Variants in GRID2 observed in about 807,000 individuals in gnomAD.
The protein encoded by GRID2 is glutamate ionotropic receptor delta type subunit 2.
GRID2 carries 33 observed loss-of-function variants against 114.8 expected under a neutral mutation model. That is an observed-to-expected ratio of 0.29 (90% CI 0.22 to 0.38). The LOEUF (loss-of-function observed/expected upper bound fraction) is 0.38. Ranked by LOEUF, GRID2 falls within the 10% of genes least tolerant of loss-of-function variation. The pLI, the probability that GRID2 is intolerant of heterozygous loss-of-function variation, is 1.00. For synonymous variants in GRID2, 505 were observed against 449.9 expected, an observed-to-expected ratio of 1.12 and a Z score of -1.55; for missense variants, 1,184 against 1,257.7, an observed-to-expected ratio of 0.94 and a Z score of 0.89.
intron 2 of GRID2, among the ~76,000 whole-genome samples, chr4:93,074,692 A>G (rs1331221562): frequency 6.6e-6 from 1 of 152,218 alleles, no homozygotes. Context: ...AGAAAAATCA[A>G]TGAAACCAAA....
chr4:93,453,286 A>G (rs1722871736), intron 10 of GRID2, among the ~76,000 whole-genome samples: 2 of 149,728 alleles, frequency 1.3e-5, no homozygotes, highest in Non-Finnish European at 3.0e-5. Flanking sequence ...GCACCTCTTT[A>G]GGAAGACTAT....
In GRID2 at chr4:92,342,312, TATAAA is replaced by T. The variant is rs1287565017; in HGVS notation, c.88+37573_88+37577del. Among the ~76,000 whole-genome samples, 5 of 152,240 alleles carry T rather than the reference TATAAA, an allele frequency of 3.3e-5. No individual in the cohort carries two copies. In the East Asian group the frequency reaches 5.8e-4, roughly 18 times the overall value. Reference sequence around the variant, plus strand: ...TCAACAGTTAAATAATGCATAGAAATATAAAATAATAATTAAAAGTCCCAAGAGAG... The same window carrying T: ...TCAACAGTTAAATAATGCATAGAAATATAATAATTAAAAGTCCCAAGAGAG... On this transcript the variant is annotated intron_variant, in intron 1 of 15. Transcript: ENST00000282020.
At chr4:92,948,378 A>C (rs1751796622) in intron 2 of GRID2, among the ~76,000 whole-genome samples, 1 of 151,894 alleles carries the variant, frequency 6.6e-6, no homozygotes. Context: ...AATAATTACT[A>C]AAATTTTGTA....
chr4:93,160,805 A>G (rs77301553), intron 4 of GRID2, among the ~76,000 whole-genome samples: 2 of 151,880 alleles, frequency 1.3e-5, no homozygotes, highest in East Asian at 3.9e-4. Context: ...TATCACTGTC[A>G]CCTGGGAACT....
intron 9 of GRID2, among the ~76,000 whole-genome samples, chr4:93,422,276 G>C (rs972411232): frequency 2.6e-5 from 4 of 152,108 alleles, no homozygotes; most frequent in Non-Finnish European, 5.9e-5. Context: ...ATTACTTAGT[G>C]AATAACTCCC....
chr4:92,654,998 G>T (rs1246708228), intron 2 of GRID2, among the ~76,000 whole-genome samples: 1 of 151,680 alleles, frequency 6.6e-6, no homozygotes, highest in Non-Finnish European at 1.5e-5. Flanking sequence ...TTTTTTTACG[G>T]TTTCTTATAG....
At chr4:92,699,970 T>C (rs1026048859) in intron 2 of GRID2, among the ~76,000 whole-genome samples, 3 of 152,220 alleles carry the variant, frequency 2.0e-5, no homozygotes, top group African/African-American at 4.8e-5. Context: ...TATTAAAATA[T>C]AGATGTCTTT....
At chr4:93,637,826 A>G (rs1410390222) in intron 14 of GRID2, among the ~76,000 whole-genome samples, 2 of 152,098 alleles carry the variant, frequency 1.3e-5, no homozygotes, top group African/African-American at 4.8e-5. Flanking sequence ...TTAATTCATC[A>G]TTACATTTTA....
At chr4:93,021,856 T>G (rs1274230736) in intron 2 of GRID2, among the ~76,000 whole-genome samples, 1 of 147,636 alleles carries the variant, frequency 6.8e-6, no homozygotes, top group Non-Finnish European at 1.5e-5. Context: ...TAATAAATAT[T>G]ATAACAATAT....
At chr4:92,496,863 G>T (rs1447151187) in intron 1 of GRID2, among the ~76,000 whole-genome samples, 1 of 151,356 alleles carries the variant, frequency 6.6e-6, no homozygotes, top group Admixed American at 6.6e-5. Flanking sequence ...TCTTTTTCCA[G>T]TGAAATTAAA....
At chr4:92,501,407 G>T (rs1723677457) in intron 1 of GRID2, among the ~76,000 whole-genome samples, 1 of 152,112 alleles carries the variant, frequency 6.6e-6, no homozygotes, top group Admixed American at 6.5e-5. Context: ...AATAAGGCAA[G>T]GATAGTGCTT....
chr4:93,333,743 C>T (rs898509642), intron 8 of GRID2, among the ~76,000 whole-genome samples: 2 of 152,110 alleles, frequency 1.3e-5, no homozygotes, highest in African/African-American at 4.8e-5. Flanking sequence ...AAAACACTTG[C>T]AAAGAAACAT....
chr4:92,924,185 T>C (rs1023650671), intron 2 of GRID2, among the ~76,000 whole-genome samples: 3 of 151,890 alleles, frequency 2.0e-5, no homozygotes, highest in Non-Finnish European at 4.4e-5. Flanking sequence ...CACTCACAGG[T>C]GGGAATTGAA....
intron 2 of GRID2, among the ~76,000 whole-genome samples, chr4:92,972,203 A>ATTTTTTTTTTTTTTT (rs748827964): frequency 7.1e-6 from 1 of 140,382 alleles, no homozygotes. Flanking sequence ...CTTTGCTAGC[A>ATTTTTTTTTTTTTTT]TTTTTTTTTT....
intron 13 of GRID2, among the ~76,000 whole-genome samples, chr4:93,604,016 C>T (rs777701653): frequency 1.4e-4 from 21 of 152,174 alleles, no homozygotes; most frequent in Admixed American, 6.5e-5. Context: ...TTCTGCAGCC[C>T]ATAGATCAAG....
chr4:93,158,138 A>G (rs1432348710), intron 4 of GRID2, among the ~76,000 whole-genome samples: 1 of 151,744 alleles, frequency 6.6e-6, no homozygotes, highest in Non-Finnish European at 1.5e-5. Context: ...TGTTTTCACC[A>G]TTTGTGAGAT....
In GRID2 at chr4:92,892,355, GT is replaced by G. The variant is rs545906623; in HGVS notation, c.245-192634del. ...GGTAAATGATGTTTTCAAATACATT[GT>G]TTTTTGAAAAATTTGTTCTGAGAGA... On this transcript the variant is annotated intron_variant, in intron 2 of 15. Transcript: ENST00000282020. 5.3e-5 allele frequency among the ~76,000 whole-genome samples: 8 copies of G among 151,946 alleles called. No homozygotes were observed. The South Asian group carries it at 1.7e-3, about 32-fold the overall frequency.
intron 11 of GRID2, among the ~76,000 whole-genome samples, 164 bp from the exon 12 acceptor site, chr4:93,490,475 A>G (rs111978203): frequency 2.8e-4 from 43 of 152,032 alleles, no homozygotes; most frequent in Admixed American, 1.3e-3. Context: ...AATCTCATAA[A>G]AGAGAATTAA....
chr4:92,381,606 A>G (rs1195434864), intron 1 of GRID2, among the ~76,000 whole-genome samples: 3 of 152,026 alleles, frequency 2.0e-5, no homozygotes, highest in Non-Finnish European at 4.4e-5. Flanking sequence ...TCATTTGGGC[A>G]GCACACTTTT....
Sources: gnomAD v4.1 joint callset for allele counts (sites outside exome capture counted in the v4.1 genomes callset) on GRCh38, gnomAD v4.1.1 for gene constraint, MANE v1.5 for transcripts, NCBI Gene and HGNC (gene_info 2026-07-23, HGNC 2026-07-21) for gene names.